RPTOR: variants seen among roughly 807,000 people sequenced by gnomAD.
The protein encoded by RPTOR is regulatory associated protein of MTOR complex 1, also known as regulatory-associated protein of mTOR.
In RPTOR, 21 loss-of-function variants were observed where a neutral mutation model predicts 169.9. That is an observed-to-expected ratio of 0.12 (90% confidence interval 0.09 to 0.18). The LOEUF (loss-of-function observed/expected upper bound fraction) is 0.18, where lower values mean the gene tolerates loss of function less well. RPTOR is among the 10% of genes least tolerant of loss of function. RPTOR has a pLI of 1.00. For missense variants in RPTOR, 1,133 were observed against 1,855.9 expected, an observed-to-expected ratio of 0.61 and a Z score of 7.16; for synonymous variants, 732 against 753.2, an observed-to-expected ratio of 0.97 and a Z score of 0.46.
At position 80,820,907 on chromosome 17, in the gene RPTOR, A is replaced by T; in HGVS notation, c.891-1294A>T. On this transcript the variant is annotated intron_variant, in intron 7 of 33. Transcript: ENST00000306801. This position sits in a 1 kb window ranked among gnomAD's most constrained non-coding sequence, Gnocchi z 4.1. ...ACTAGAAAACCCTGATGTTGGGTAA[A>T]CTGGTCTCCACTGTGGAGGTCGAAA... Among the ~76,000 whole-genome samples the T allele has an allele frequency of 6.6e-6, 1 of 152,228 alleles. No individual in the cohort carries two copies. The highest frequency in any genetic ancestry group is 1.9e-4 in the East Asian group (1 of 5,196).
In RPTOR at chr17:80,936,699, C is replaced by A. The variant is rs35635776; in HGVS notation, c.2920-3797C>A. The stretch of plus-strand genomic sequence containing the variant: ...TTTATCAAAACTCCGCCTGTACCTA[C>A]AGAGGGCGAAATTCACTGTACGTAA... On this transcript the variant is annotated intron_variant, in intron 24 of 33. Transcript: ENST00000306801. This position sits in a 1 kb window ranked among gnomAD's most constrained non-coding sequence, Gnocchi z 4.1. 0.39 allele frequency among the ~76,000 whole-genome samples: 59,243 copies of A among 152,082 alleles called. 11,945 individuals are homozygous for A. Among genetic ancestry groups the A allele is most frequent in the African/African-American group, 0.5 (20,538 of 41,456 alleles).
chr17:80,906,220 A>G (rs1259730246), intron 20 of RPTOR, among the ~76,000 whole-genome samples: 1 of 152,148 alleles, frequency 6.6e-6, no homozygotes, highest in East Asian at 1.9e-4. Context: ...TCTAAAAAAA[A>G]AAAATGAGGA....
intron 7 of RPTOR, among the ~76,000 whole-genome samples, chr17:80,801,204 T>C (rs1222851220): frequency 6.6e-6 from 1 of 152,146 alleles, no homozygotes; most frequent in African/African-American, 2.4e-5. Context: ...TGGGGAATGA[T>C]AGTGACCGTA....
intron 3 of RPTOR, among the ~76,000 whole-genome samples, chr17:80,654,846 CTT>C (rs1465700132): frequency 6.6e-6 from 1 of 152,162 alleles, no homozygotes; most frequent in Admixed American, 6.5e-5. Context: ...CTTTGCAAAA[CTT>C]TGCAGATAAA....
At chr17:80,885,474 G>C (rs1481932883) in intron 17 of RPTOR, among the ~76,000 whole-genome samples, 1 of 124,652 alleles carries the variant, frequency 8.0e-6, no homozygotes, top group Non-Finnish European at 1.8e-5. Context: ...GGGAAGGTTT[G>C]TGTGCTGGGT....
chr17:80,712,809 T>G (rs896741966), intron 4 of RPTOR, among the ~76,000 whole-genome samples: 1 of 152,214 alleles, frequency 6.6e-6, no homozygotes, highest in Non-Finnish European at 1.5e-5. Context: ...TATCTGTTGC[T>G]CCACATGCTC....
chr17:80,779,071 T>A (rs1012362435), intron 6 of RPTOR, among the ~76,000 whole-genome samples: 13 of 152,172 alleles, frequency 8.5e-5, no homozygotes, highest in Non-Finnish European at 1.5e-5. Context: ...TGCTGTTAAT[T>A]GATACAGAAA....
intron 24 of RPTOR, among the ~76,000 whole-genome samples, chr17:80,934,555 C>T (rs528972273): frequency 6.6e-6 from 1 of 152,280 alleles, no homozygotes; most frequent in Non-Finnish European, 1.5e-5. Context: ...GATGGGGACT[C>T]GCTATGTTGC....
chr17:80,795,127 C>T (rs1167763133), intron 7 of RPTOR, among the ~76,000 whole-genome samples: 1 of 152,170 alleles, frequency 6.6e-6, no homozygotes, highest in African/African-American at 2.4e-5. Context: ...AGATGCAGCA[C>T]ACGGCTGGCC....
chr17:80,828,206 C>A (rs1026314256), intron 9 of RPTOR, among the ~76,000 whole-genome samples: 1 of 152,302 alleles, frequency 6.6e-6, no homozygotes, highest in African/African-American at 2.4e-5. Context: ...CGAGTCTGAT[C>A]AGGCAGAGAC....
intron 7 of RPTOR, among the ~76,000 whole-genome samples, chr17:80,799,660 C>T (rs927887486): frequency 6.6e-6 from 1 of 152,196 alleles, no homozygotes; most frequent in African/African-American, 2.4e-5. Flanking sequence ...TTCCGTCAAG[C>T]TTCATGACCT....
intron 1 of RPTOR, among the ~76,000 whole-genome samples, chr17:80,597,634 C>T (rs2065153611): frequency 6.6e-6 from 1 of 151,896 alleles, no homozygotes; most frequent in South Asian, 2.1e-4. Flanking sequence ...CCTCAGCTAC[C>T]TAGGTAGCTG....
chr17:80,947,238 G>C lies in RPTOR; in HGVS notation c.3152G>C (p.Trp1051Ser). Residue 1051 changes from tryptophan (W) to serine (S), a missense_variant, in exon 27 of 34, where the codon TGG becomes TCG. By Grantham distance (177) the Trp-to-Ser change is radical. Coordinates refer to ENST00000306801, the MANE Select transcript of RPTOR (RefSeq NM_020761.3). The surrounding 1 kb of genome is among the most constrained non-coding windows in gnomAD (Gnocchi z 4.4). ...ADKDSICFWD[W>S]EKGEKLDYFH... is the part of the protein sequence containing the mutation. ...CTTCTTCCCTTAAGCTTTTGGGACT[G>C]GGAGAAAGGGGAGAAGCTGGATTAT... 1.9e-6 allele frequency: 3 copies of C among 1,597,306 alleles called. No homozygotes were observed. The highest frequency in any genetic ancestry group is 2.6e-6 in the Non-Finnish European group (3 of 1,173,874).
rs749898610 is a variant in RPTOR at position 80,754,182 on chromosome 17, G to A, written c.827G>A (p.Arg276His). Residue 276 changes from arginine to histidine, a missense_variant, in exon 6 of 34, where the codon CGC becomes CAC. This residue lies in a region of RPTOR where 289 missense variants were observed against 585.8 expected (regional missense o/e 0.49). Transcript: ENST00000306801. This position sits in a 1 kb window ranked among gnomAD's most constrained non-coding sequence, Gnocchi z 4.2. ...ACCACCCCCATCAAGATCGCCCTGC[G>A]CTGGTGAGTGGCCCCTGCTGTGCCC... ...CLTTPIKIAL[R>H]WFCMQKCVSL... is the part of the protein sequence containing the mutation. 1.3e-6 allele frequency: 2 copies of A among 1,596,804 alleles called. No individual in the cohort carries two copies. The highest frequency in any genetic ancestry group is 1.7e-6 in the Non-Finnish European group (2 of 1,169,110).
intron 1 of RPTOR, among the ~76,000 whole-genome samples, chr17:80,575,437 A>G (rs76584516): frequency 0.079 from 11,978 of 152,308 alleles, 588 homozygotes; most frequent in Middle Eastern, 0.13. Flanking sequence ...TTGCATTTTG[A>G]TCAGTAGACG....
chr17:80,614,402 A>G (rs12939613), intron 1 of RPTOR, among the ~76,000 whole-genome samples: 55,374 of 152,166 alleles, frequency 0.36, 10,492 homozygotes, highest in Non-Finnish European at 0.44. Flanking sequence ...ATTTTTGTCA[A>G]CAATTACTAT....
At chr17:80,692,954 G>A (rs1285117780) in intron 3 of RPTOR, among the ~76,000 whole-genome samples, 3 of 152,200 alleles carry the variant, frequency 2.0e-5, no homozygotes, top group African/African-American at 7.2e-5. Flanking sequence ...CACATGTGAT[G>A]ACACGTATGC....
Position 80,878,317 on chromosome 17 carries a change from G to A in RPTOR, c.1510-2098G>A, listed in dbSNP as rs1430658399. 6.6e-6 allele frequency among the ~76,000 whole-genome samples: 1 copy of A among 152,110 alleles called. No individual in the cohort carries two copies. Among genetic ancestry groups the A allele is most frequent in the African/African-American group, 2.4e-5 (1 of 41,406 alleles). ...GCAGTTTCAGACTGCTTTCACATGCGTGGTTTCATCTCTGACTCCACGACC... is the reference window on the plus strand; with the variant it reads ...GCAGTTTCAGACTGCTTTCACATGCATGGTTTCATCTCTGACTCCACGACC... On this transcript the variant is annotated intron_variant, in intron 13 of 33. Transcript: ENST00000306801. This position sits in a 1 kb window ranked among gnomAD's most constrained non-coding sequence, Gnocchi z 4.1.
intron 4 of RPTOR, among the ~76,000 whole-genome samples, chr17:80,728,836 T>C (rs1050882684): frequency 6.6e-6 from 1 of 152,166 alleles, no homozygotes. Context: ...ACTTTCTGGA[T>C]TCATTAGGCA....
Sources: gnomAD v4.1 joint callset for allele counts (sites outside exome capture counted in the v4.1 genomes callset) on GRCh38, gnomAD v4.1.1 for gene constraint, gnomAD v4.1.1 regional missense constraint, Gnocchi (gnomAD v3.1) non-coding constraint, MANE v1.5 for transcripts, NCBI Gene and HGNC (gene_info 2026-07-23, HGNC 2026-07-21) for gene names.